Variants in DENND1A observed in about 807,000 individuals in gnomAD.
DENND1A encodes DENN domain-containing protein 1A.
In DENND1A, 51 loss-of-function variants were observed where a neutral mutation model predicts 113.7. The ratio of observed to expected loss-of-function variants is 0.45; its 90% CI spans 0.36 to 0.57. The LOEUF (loss-of-function observed/expected upper bound fraction) is 0.57. Among genes scored for constraint, DENND1A ranks in the 20% least tolerant of loss-of-function variants. DENND1A has a pLI of 0.00. For missense variants in DENND1A, 1,258 were observed against 1,395.9 expected, an observed-to-expected ratio of 0.90 and a Z score of 1.57; for synonymous variants, 565 against 570.8, an observed-to-expected ratio of 0.99 and a Z score of 0.14.
Position 123,383,861 on chromosome 9 carries a change from C to T in DENND1A, c.1813G>A (p.Ala605Thr), listed in dbSNP as rs2130881458. ...RESDSAEGDE[A>T]ESPEQQVRKS... ...CGCACTTGCTGCTCTGGACTCTCTG[C>T]CTCGTCGCCTTCCGCGCTGTCTGAC... is the stretch of plus-strand genomic sequence containing the variant. Residue 605 changes from alanine (A) to threonine (T), a missense_variant, in exon 23 of 24, where the codon GCA (alanine) becomes ACA (threonine). Ala to Thr is a moderately conservative substitution (Grantham distance 58). This residue lies in a region of DENND1A where 1,159 missense variants were observed against 1,231.7 expected (regional missense o/e 0.94). Coordinates refer to ENST00000394215, the MANE Select transcript of DENND1A (RefSeq NM_001352964.2). 1 of 1,613,484 alleles carries T rather than the reference C, an allele frequency of 6.2e-7. No individual in the cohort carries two copies. The highest frequency in any genetic ancestry group is 8.5e-7 in the Non-Finnish European group (1 of 1,180,024).
At chr9:123,756,587 A>G (rs1248583142) in intron 5 of DENND1A, among the ~76,000 whole-genome samples, 1 of 152,198 alleles carries the variant, frequency 6.6e-6, no homozygotes, top group Non-Finnish European at 1.5e-5. Flanking sequence ...TTGGTGCAGA[A>G]GAGAGTCGAC....
At chr9:123,634,329 AAAAC>A (rs919336378) in intron 9 of DENND1A, among the ~76,000 whole-genome samples, 4 of 152,348 alleles carry the variant, frequency 2.6e-5, no homozygotes, top group East Asian at 1.9e-4. Flanking sequence ...TTTGATTAAG[AAAAC>A]AAACAAACAA....
Position 123,452,367 on chromosome 9 carries a change from T to C in DENND1A, c.1228-20A>G. 3 of 1,608,518 alleles carry C rather than the reference T, an allele frequency of 1.9e-6. No individual in the cohort carries two copies. Among genetic ancestry groups the C allele is most frequent in the Non-Finnish European group, 2.6e-6 (3 of 1,174,870 alleles). ...TCCTTTCTATAATAAAAATGTCAAT[T>C]AGCAATTTGGGCTGAAGACAGAGTC... On this transcript the variant is annotated intron_variant, in intron 16 of 23. Transcript: ENST00000394215.
chr9:123,495,170 T>TCTCTCTCTCTCTCTCTCTCTCTC (rs371539514), intron 13 of DENND1A, among the ~76,000 whole-genome samples: 80 of 149,522 alleles, frequency 5.4e-4, no homozygotes, highest in African/African-American at 8.9e-4. Flanking sequence ...TCTCTCTCTC[T>TCTCTCTCTCTCTCTCTCTCTCTC]TATAATGTCT....
chr9:123,869,097 G>A (rs1846168343), intron 2 of DENND1A, among the ~76,000 whole-genome samples: 1 of 152,170 alleles, frequency 6.6e-6, no homozygotes, highest in Non-Finnish European at 1.5e-5. Flanking sequence ...ACATACATAT[G>A]CATTATATAA....
At chr9:123,862,746 C>T (rs1369383913) in intron 2 of DENND1A, among the ~76,000 whole-genome samples, 5 of 152,118 alleles carry the variant, frequency 3.3e-5, no homozygotes, top group Non-Finnish European at 4.4e-5. Context: ...AAAGGCAGTA[C>T]CAAAGATTTG....
chr9:123,732,280 C>A (rs1219796487), intron 5 of DENND1A, among the ~76,000 whole-genome samples: 1 of 152,170 alleles, frequency 6.6e-6, no homozygotes, highest in African/African-American at 2.4e-5. Context: ...ATAAAACCCC[C>A]AAACAACCTA....
At position 123,447,892 on chromosome 9, in the gene DENND1A, G is replaced by A. The variant is rs936349355; in HGVS notation, c.1356+2801C>T. On this transcript the variant is annotated intron_variant, in intron 18 of 23. Transcript: ENST00000394215. ...AGAAAGGGCGCTGGAGAGTGCTGGAGCCCCAAGTCCCGTAGATGCGAACAA... is the reference window on the plus strand; with the variant it reads ...AGAAAGGGCGCTGGAGAGTGCTGGAACCCCAAGTCCCGTAGATGCGAACAA... Among the ~76,000 whole-genome samples the A allele has an allele frequency of 3.3e-5, 5 of 152,254 alleles. No individual in the cohort carries two copies. In the South Asian group the frequency reaches 8.3e-4, roughly 25 times the overall value.
intron 2 of DENND1A, among the ~76,000 whole-genome samples, chr9:123,834,503 A>G (rs1201539410): frequency 6.6e-6 from 1 of 152,178 alleles, no homozygotes; most frequent in Non-Finnish European, 1.5e-5. Context: ...CCTGATTTCT[A>G]TTTTCTACTT....
intron 21 of DENND1A, among the ~76,000 whole-genome samples, chr9:123,394,718 C>T (rs2043028519): frequency 1.3e-5 from 2 of 152,222 alleles, no homozygotes; most frequent in African/African-American, 4.8e-5. Flanking sequence ...GGCAGTGGCC[C>T]CAGCACAGGA....
intron 5 of DENND1A, among the ~76,000 whole-genome samples, chr9:123,727,777 C>A (rs867248112): frequency 5.9e-5 from 9 of 151,866 alleles, no homozygotes; most frequent in Non-Finnish European, 1.0e-4. Context: ...GAACTGTATG[C>A]CAAAAACCAC....
chr9:123,583,047 C>T (rs1377831187), intron 12 of DENND1A, 122 bp downstream of exon 12: 1 of 692,136 alleles, frequency 1.4e-6, no homozygotes, highest in Non-Finnish European at 2.4e-6. Context: ...CAGAAACAAA[C>T]TGCAGTTCTC....
At chr9:123,616,705 T>C (rs748592717) in intron 10 of DENND1A, among the ~76,000 whole-genome samples, 13 of 152,202 alleles carry the variant, frequency 8.5e-5, no homozygotes, top group Non-Finnish European at 1.8e-4. Flanking sequence ...AGGTGTTTTG[T>C]GGTGTCCACA....
At chr9:123,545,020 C>T (rs2056562372) in intron 13 of DENND1A, among the ~76,000 whole-genome samples, 2 of 152,062 alleles carry the variant, frequency 1.3e-5, no homozygotes, top group South Asian at 2.1e-4. Flanking sequence ...ATGGCGTGAA[C>T]CCGGGAGGTG....
intron 12 of DENND1A, among the ~76,000 whole-genome samples, chr9:123,577,703 G>A (rs542925666): frequency 4.6e-5 from 7 of 152,178 alleles, no homozygotes; most frequent in African/African-American, 1.4e-4. Context: ...ACTTTTCATC[G>A]AAGTTTAACA....
At chr9:123,784,625 A>T (rs545574570) in intron 3 of DENND1A, among the ~76,000 whole-genome samples, 1 of 152,274 alleles carries the variant, frequency 6.6e-6, no homozygotes, top group African/African-American at 2.4e-5. Context: ...AACAGACAAA[A>T]ATTTAGTGGG....
intron 1 of DENND1A, among the ~76,000 whole-genome samples, chr9:123,888,426 C>G (rs909418025): frequency 6.6e-6 from 1 of 152,164 alleles, no homozygotes; most frequent in African/African-American, 2.4e-5. Flanking sequence ...CAAAGTACCT[C>G]CCCCACAAAA....
chr9:123,875,297 G>A (rs898203751), intron 2 of DENND1A, among the ~76,000 whole-genome samples: 2 of 152,110 alleles, frequency 1.3e-5, no homozygotes, highest in African/African-American at 4.8e-5. Context: ...GGGCCTCTGG[G>A]GTGCTGGGCA....
At chr9:123,528,436 G>A (rs1004334933) in intron 13 of DENND1A, among the ~76,000 whole-genome samples, 4 of 152,086 alleles carry the variant, frequency 2.6e-5, no homozygotes, top group Admixed American at 6.6e-5. Context: ...GAGGCTTATG[G>A]TGTGAAAAAA....
Sources: allele counts gnomAD v4.1 joint callset (sites outside exome capture counted in the v4.1 genomes callset), GRCh38; gene constraint gnomAD v4.1.1; regional missense constraint gnomAD v4.1.1; transcripts MANE v1.5; gene names NCBI Gene and HGNC (gene_info 2026-07-23, HGNC 2026-07-21).